PCM1: variants seen among roughly 807,000 people sequenced by gnomAD.
PCM1 encodes pericentriolar material 1 protein.
A neutral mutation model predicts 241.9 loss-of-function variants in PCM1; 157 were observed. The observed-to-expected ratio is 0.65, with a 90% CI of 0.57 to 0.74. The LOEUF (loss-of-function observed/expected upper bound fraction) is 0.74. PCM1 is among the 30% of genes least tolerant of loss of function. The probability of loss-of-function intolerance (pLI) is 0.00; values close to 1 mark genes in which losing one functional copy is unlikely to be tolerated. For missense variants in PCM1, 3,478 were observed against 2,360.1 expected, an observed-to-expected ratio of 1.47 and a Z score of -9.81; for synonymous variants, 1,085 against 784.9, an observed-to-expected ratio of 1.38 and a Z score of -6.39.
At chr8:18,019,064 T>C (rs62498202) in intron 36 of PCM1, among the ~76,000 whole-genome samples, 2 of 151,158 alleles carry the variant, frequency 1.3e-5, no homozygotes, top group Non-Finnish European at 3.0e-5. Context: ...CAGTGTAATC[T>C]TTCTTTCCTC....
intron 30 of PCM1, among the ~76,000 whole-genome samples, chr8:18,008,352 T>C (rs2091882860): frequency 6.6e-6 from 1 of 152,010 alleles, no homozygotes; most frequent in African/African-American, 2.4e-5. Flanking sequence ...ATCACCCCCA[T>C]ATGAGACCAT....
chr8:17,939,136 C>T, intron 5 of PCM1, 127 bp downstream of exon 5: 1 of 789,418 alleles, frequency 1.3e-6, no homozygotes, highest in South Asian at 2.0e-5. Context: ...TCACTGACCT[C>T]CTTTGTTAAT....
chr8:17,935,660 T>C lies in PCM1; in HGVS notation c.50T>C (p.Leu17Ser). The C allele has an allele frequency of 6.4e-7, 1 of 1,565,490 alleles. No homozygotes were observed. The highest frequency in any genetic ancestry group is 1.1e-5 in the South Asian group (1 of 89,880). The change falls in exon 3 of 39, where the codon TTA (leucine) becomes TCA (serine). Residue 17 changes from leucine (L) to serine (S), a missense_variant. Transcript: ENST00000325083. Reference sequence around the variant, plus strand: ...GAAGATGGCATGAATGATCAGGATTTACCAAACTGGAGTAATGAGAATGTT... The same window carrying C: ...GAAGATGGCATGAATGATCAGGATTCACCAAACTGGAGTAATGAGAATGTT... ...PFEDGMNDQD[L>S]PNWSNENVDD...
chr8:17,957,074 TG>T (rs1453601279), intron 11 of PCM1, among the ~76,000 whole-genome samples, 189 bp from the exon 12 acceptor site: 1 of 152,244 alleles, frequency 6.6e-6, no homozygotes, highest in East Asian at 1.9e-4. Flanking sequence ...TTTTTTCAGA[TG>T]TTTTTCTACT....
chr8:17,941,107 T>A (rs2061888331), intron 6 of PCM1, among the ~76,000 whole-genome samples: 1 of 152,194 alleles, frequency 6.6e-6, no homozygotes, highest in African/African-American at 2.4e-5. Flanking sequence ...AGGAGATACT[T>A]AGAGAGCCTG....
In PCM1 at chr8:17,991,533, C is replaced by A; in HGVS notation, c.4532-9C>A. 6.4e-7 allele frequency: 1 copy of A among 1,568,102 alleles called. No homozygotes were observed. The highest frequency in any genetic ancestry group is 1.2e-5 in the South Asian group (1 of 83,402). On this transcript the variant is annotated splice_polypyrimidine_tract_variant and intron_variant, in intron 27 of 38. Transcript: ENST00000325083. ...ACATACTCAAAAAATATTTTTGTTC[C>A]AAATGTAGGTAACACCGTGATTCAC...
Position 17,957,668 on chromosome 8 carries a change from C to G in PCM1, c.1933C>G (p.Leu645Val), listed in dbSNP as rs4440668. The G allele has an allele frequency of 6.8e-6, 11 of 1,607,726 alleles. No homozygotes were observed. The African/African-American group carries it at 1.3e-4, about 20-fold the overall frequency. ...TTCATTATCTAGTCACAGGAGCAGT[C>G]TGGTTGATGAGCATCCAGAAGATGC... ...GASLSSHRSSLVDEHPEDAEF... is the reference protein window; with the variant it reads ...GASLSSHRSSVVDEHPEDAEF... The change falls in exon 13 of 39, where the codon CTG becomes GTG. Residue 645 changes from leucine (L) to valine (V), a missense_variant. Coordinates refer to ENST00000325083, the MANE Select transcript of PCM1 (RefSeq NM_006197.4).
In PCM1 at chr8:17,981,906, A is replaced by G. The variant is rs77313398; in HGVS notation, c.4108+1151A>G. Among the ~76,000 whole-genome samples the G allele has an allele frequency of 1.4e-3, 12 of 8,562 alleles. 1 individual carries two copies. The highest frequency in any genetic ancestry group is 3.4e-3 in the East Asian group (3 of 872). 5.6% of individuals were successfully genotyped at this position (8,562 alleles called of 152,430 possible). ...ATCCATCCTAAGAAGACAAAAGGGG[A>G]AAAAAAAAAAAGACATTAAGATTTA... On this transcript the variant is annotated intron_variant, in intron 24 of 38. Coordinates refer to ENST00000325083, the MANE Select transcript of PCM1 (RefSeq NM_006197.4).
rs1375742202 is a variant in PCM1, at chr8:17,957,609, A to T, written c.1874A>T (p.Glu625Val). ...CAAGGTGAAGATGATGAGGAGGAGG[A>T]GGAAGAAGCAGAAGAGGAGGGAGTC... ...VAQGEDDEEE[E>V]EEAEEEGVSG... Residue 625 changes from glutamate to valine, a missense_variant, in exon 13 of 39, where the codon GAG becomes GTG. Glu to Val is a moderately radical substitution (Grantham distance 121). Coordinates refer to ENST00000325083, the MANE Select transcript of PCM1 (RefSeq NM_006197.4). 6.3e-7 allele frequency: 1 copy of T among 1,576,072 alleles called. No individual in the cohort carries two copies. The highest frequency in any genetic ancestry group is 8.6e-7 in the Non-Finnish European group (1 of 1,159,634).
At chr8:18,027,017 G>T (rs148728514) in intron 38 of PCM1, among the ~76,000 whole-genome samples, 1 of 152,126 alleles carries the variant, frequency 6.6e-6, no homozygotes, top group African/African-American at 2.4e-5. Flanking sequence ...CACAGCTCTG[G>T]AGCCACTCAA....
At chr8:17,970,344 T>C (rs2076419021) in intron 22 of PCM1, among the ~76,000 whole-genome samples, 1 of 152,090 alleles carries the variant, frequency 6.6e-6, no homozygotes, top group Admixed American at 6.6e-5. Context: ...ATTCACATTA[T>C]ATTTCTCTTT....
chr8:17,950,295 C>A (rs1448384269), intron 7 of PCM1, among the ~76,000 whole-genome samples: 5 of 152,190 alleles, frequency 3.3e-5, no homozygotes, highest in Non-Finnish European at 5.9e-5. Flanking sequence ...CTATCACTTT[C>A]CCTTTCACTC....
At chr8:18,025,748 C>T (rs557364248) in intron 38 of PCM1, 90 bp downstream of exon 38, 151 of 731,426 alleles carry the variant, frequency 2.1e-4, no homozygotes, top group South Asian at 1.4e-3. Context: ...TATGCTACTA[C>T]TGACCTGGGA....
intron 26 of PCM1, among the ~76,000 whole-genome samples, chr8:17,989,582 T>G (rs537129753): frequency 3.5e-4 from 54 of 152,198 alleles, no homozygotes; most frequent in Non-Finnish European, 6.0e-4. Context: ...ATGTTAACTT[T>G]GCCAAATTAG....
At position 18,027,698 on chromosome 8, in the gene PCM1, A is replaced by G; in HGVS notation, c.*36A>G. 2 of 1,484,064 alleles carry G rather than the reference A, an allele frequency of 1.3e-6. No homozygotes were observed. The highest frequency in any genetic ancestry group is 1.9e-6 in the Non-Finnish European group (2 of 1,071,316). 91.9% of individuals were successfully genotyped at this position (1,484,064 alleles called of 1,614,324 possible). Reference sequence around the variant, plus strand: ...GAGGCTCATCTAACTCTGTCCTTACATACTCAATGCATATATGAAAACAAT... The same window carrying G: ...GAGGCTCATCTAACTCTGTCCTTACGTACTCAATGCATATATGAAAACAAT... On this transcript the variant is annotated 3_prime_UTR_variant, in exon 39 of 39. Coordinates refer to ENST00000325083, the MANE Select transcript of PCM1 (RefSeq NM_006197.4).
intron 21 of PCM1, among the ~76,000 whole-genome samples, chr8:17,968,777 T>TATAC (rs1564029852): frequency 2.0e-5 from 3 of 148,622 alleles, no homozygotes; most frequent in Non-Finnish European, 3.0e-5. Context: ...TATATATATA[T>TATAC]ACACACCACA....
chr8:17,937,588 G>A (rs1015329705), intron 4 of PCM1, among the ~76,000 whole-genome samples: 13 of 152,248 alleles, frequency 8.5e-5, no homozygotes, highest in African/African-American at 3.1e-4. Flanking sequence ...CTAAAGACAT[G>A]CATTTCTGGA....
chr8:17,944,968 C>A (rs2063314350), intron 6 of PCM1, among the ~76,000 whole-genome samples: 1 of 152,024 alleles, frequency 6.6e-6, no homozygotes, highest in African/African-American at 2.4e-5. Flanking sequence ...AGAAAGTACG[C>A]TTTTTTCTCA....
Position 18,013,967 on chromosome 8 carries a change from C to G in PCM1, c.5515C>G (p.Leu1839Val). Residue 1839 changes from leucine to valine, a missense_variant, in exon 35 of 39, where the codon CTA becomes GTA. Coordinates refer to ENST00000325083, the MANE Select transcript of PCM1 (RefSeq NM_006197.4). The part of the protein sequence containing the change: ...TEENEHDEQV[L>V]QRDFKKTAES... ...TTAAAACATTTTTCCCTTCTAGGTC[C>G]TACAACGTGACTTTAAAAAGACAGC... 1 of 1,595,598 alleles carries G rather than the reference C, an allele frequency of 6.3e-7. No individual in the cohort carries two copies. The highest frequency in any genetic ancestry group is 8.6e-7 in the Non-Finnish European group (1 of 1,169,030).
Sources: gnomAD v4.1 joint callset for allele counts (sites outside exome capture counted in the v4.1 genomes callset) on GRCh38, gnomAD v4.1.1 for gene constraint, MANE v1.5 for transcripts, NCBI Gene and HGNC (gene_info 2026-07-23, HGNC 2026-07-21) for gene names.